Variants in LPP observed in about 807,000 individuals in gnomAD.
LPP encodes the protein lipoma-preferred partner.
In LPP, 38 loss-of-function variants were observed where a neutral mutation model predicts 60.4. The ratio of observed to expected loss-of-function variants is 0.63; its 90% CI spans 0.49 to 0.83. The LOEUF (loss-of-function observed/expected upper bound fraction) is 0.83. LPP is among the 40% of genes least tolerant of loss of function. The pLI is 0.00. For missense variants in LPP, 902 were observed against 783.6 expected (o/e 1.15, Z -1.80); for synonymous variants, 328 against 290.8 (o/e 1.13, Z -1.30).
At chr3:188,678,390 T>C (rs1022558201) in intron 7 of LPP, among the ~76,000 whole-genome samples, 3 of 152,182 alleles carry the variant, frequency 2.0e-5, no homozygotes, top group Non-Finnish European at 4.4e-5. Flanking sequence ...TCTGAATGGG[T>C]CACCAGAAAG....
intron 9 of LPP, among the ~76,000 whole-genome samples, chr3:188,825,931 A>G (rs1755366442): frequency 6.6e-6 from 1 of 152,080 alleles, no homozygotes; most frequent in Admixed American, 6.6e-5. Context: ...ACCACACTCA[A>G]GCAGAATGTA....
chr3:188,533,898 CTCA>C (rs1318269477), intron 6 of LPP, among the ~76,000 whole-genome samples: 1 of 152,074 alleles, frequency 6.6e-6, no homozygotes, highest in Non-Finnish European at 1.5e-5. Flanking sequence ...ACATTTATAC[CTCA>C]TCATTTTTTT....
intron 7 of LPP, among the ~76,000 whole-genome samples, chr3:188,630,055 C>T (rs1311297500): frequency 1.3e-5 from 2 of 151,996 alleles, no homozygotes; most frequent in Non-Finnish European, 2.9e-5. Context: ...AAATACTATT[C>T]TAGGCCTTGG....
At chr3:188,440,130 A>G (rs1005097653) in intron 4 of LPP, among the ~76,000 whole-genome samples, 5 of 152,124 alleles carry the variant, frequency 3.3e-5, no homozygotes, top group African/African-American at 1.2e-4. Context: ...CTGGATCAGA[A>G]ATGTCTTCCT....
At chr3:188,837,694 C>A (rs1006983624) in intron 9 of LPP, among the ~76,000 whole-genome samples, 3 of 152,030 alleles carry the variant, frequency 2.0e-5, no homozygotes, top group Non-Finnish European at 4.4e-5. Context: ...AAAGCCTGAA[C>A]CTTGCTTTCC....
rs558818347 is a variant in LPP at position 188,405,740 on chromosome 3, A to G, written c.-9-372A>G. 2.0e-5 allele frequency among the ~76,000 whole-genome samples: 3 copies of G among 152,236 alleles called. No individual in the cohort carries two copies. The South Asian group carries it at 6.2e-4, about 32-fold the overall frequency. ...AATTCAAGCTCTTTTCCATCCTCCT[A>G]CCATAAAATCTCCTTCAAGTTAGGA... On this transcript the variant is annotated intron_variant, in intron 3 of 11. Coordinates refer to ENST00000617246, the MANE Select transcript of LPP (RefSeq NM_001375462.1).
chr3:188,520,403 C>G (rs1174162143), intron 5 of LPP, among the ~76,000 whole-genome samples: 1 of 152,188 alleles, frequency 6.6e-6, no homozygotes, highest in African/African-American at 2.4e-5. Context: ...CTGTGCCGGG[C>G]CTTCTCTGCA....
At chr3:188,368,199 C>T (rs764829012) in intron 3 of LPP, among the ~76,000 whole-genome samples, 2 of 152,178 alleles carry the variant, frequency 1.3e-5, no homozygotes, top group Admixed American at 6.5e-5. Flanking sequence ...GAGAGTTGTT[C>T]CTGAAAATAG....
At chr3:188,401,597 A>T (rs1782254582) in intron 3 of LPP, among the ~76,000 whole-genome samples, 1 of 152,204 alleles carries the variant, frequency 6.6e-6, no homozygotes, top group Admixed American at 6.5e-5. Flanking sequence ...CTTTGAGTAA[A>T]GAATAAGAAT....
At chr3:188,649,967 T>C (rs1181279181) in intron 7 of LPP, among the ~76,000 whole-genome samples, 2 of 152,216 alleles carry the variant, frequency 1.3e-5, no homozygotes, top group Admixed American at 1.3e-4. Context: ...GTCTCTATTA[T>C]TATTTAATAT....
chr3:188,260,539 T>G (rs1733219137), intron 2 of LPP, among the ~76,000 whole-genome samples: 1 of 152,050 alleles, frequency 6.6e-6, no homozygotes, highest in South Asian at 2.1e-4. Flanking sequence ...AAATTGTCAC[T>G]ATTGTCACTG....
At chr3:188,469,157 C>G (rs900302185) in intron 4 of LPP, among the ~76,000 whole-genome samples, 1 of 152,110 alleles carries the variant, frequency 6.6e-6, no homozygotes, top group Non-Finnish European at 1.5e-5. Context: ...AATTCAAAAA[C>G]CGTTAAGTTC....
chr3:188,649,184 G>GT lies in LPP; in HGVS notation c.1113+39347dup, dbSNP rs748842899. 6.6e-5 allele frequency among the ~76,000 whole-genome samples: 10 copies of GT among 152,140 alleles called. No homozygotes were observed. The East Asian group carries it at 1.9e-3, about 29-fold the overall frequency. On this transcript the variant is annotated intron_variant, in intron 7 of 11. Transcript: ENST00000617246. The stretch of plus-strand genomic sequence containing the variant: ...AATATTGATAGTGAGAAGCTAATTA[G>GT]TTTTTTTATTTCTCAAAGCCCTACA...
At chr3:188,667,948 C>G (rs1227779279) in intron 7 of LPP, among the ~76,000 whole-genome samples, 1 of 151,930 alleles carries the variant, frequency 6.6e-6, no homozygotes, top group Non-Finnish European at 1.5e-5. Context: ...ACAGCCTACT[C>G]AAGGTTAGAC....
At chr3:188,343,517 G>A (rs1344409644) in intron 3 of LPP, among the ~76,000 whole-genome samples, 4 of 152,146 alleles carry the variant, frequency 2.6e-5, no homozygotes, top group African/African-American at 9.7e-5. Flanking sequence ...TGTTCATTTA[G>A]AAACTGCAGT....
chr3:188,875,243 A>T lies in LPP; in HGVS notation c.*764A>T, dbSNP rs906721292. 3.7e-5 allele frequency: 8 copies of T among 218,436 alleles called. No homozygotes were observed. Among genetic ancestry groups the T allele is most frequent in the Admixed American group, 5.8e-5 (1 of 17,266 alleles). 13.5% of individuals were successfully genotyped at this position (218,436 alleles called of 1,614,324 possible). A position where few individuals can be genotyped will look rare whatever the true frequency, so the allele number is the denominator to read the frequency against. ...GAAAAGGCATTTTGGGGTTATGTTT[A>T]AAAAAACATTATTGTCCCACAATAT... On this transcript the variant is annotated 3_prime_UTR_variant, in exon 12 of 12. Transcript: ENST00000617246.
At chr3:188,364,054 G>A (rs971465459) in intron 3 of LPP, among the ~76,000 whole-genome samples, 2 of 152,194 alleles carry the variant, frequency 1.3e-5, no homozygotes, top group Admixed American at 1.3e-4. Context: ...AAGTTACATG[G>A]ACTCTCTGCA....
At chr3:188,495,082 A>ATATATATATATATATATATATT (rs1342207321) in intron 5 of LPP, among the ~76,000 whole-genome samples, 1 of 97,270 alleles carries the variant, frequency 1.0e-5, no homozygotes, top group Admixed American at 1.3e-4. Context: ...ATATATATAT[A>ATATATATATATATATATATATT]TTTTATTTAT....
chr3:188,684,296 A>C (rs1024298452), intron 7 of LPP, among the ~76,000 whole-genome samples: 54 of 152,176 alleles, frequency 3.5e-4, no homozygotes, highest in Middle Eastern at 3.2e-3. Flanking sequence ...AAATTTCTAA[A>C]ATTTTCTCCA....
Sources: allele counts gnomAD v4.1 joint callset (sites outside exome capture counted in the v4.1 genomes callset), GRCh38; gene constraint gnomAD v4.1.1; transcripts MANE v1.5; gene names NCBI Gene and HGNC (gene_info 2026-07-23, HGNC 2026-07-21).